CCDC7: variants seen among roughly 807,000 people sequenced by gnomAD.
CCDC7 encodes coiled-coil domain-containing protein 7.
Under a neutral mutation model 196.9 loss-of-function variants are expected in CCDC7, and 183 were observed. That is an observed-to-expected ratio of 0.93 (90% confidence interval 0.82 to 1.05). The LOEUF (loss-of-function observed/expected upper bound fraction) is 1.05, where lower values mean the gene tolerates loss of function less well. Among genes scored for constraint, CCDC7 ranks in the 50% least tolerant of loss-of-function variants. The pLI is 0.00. For missense variants in CCDC7, 1,540 were observed against 1,482.2 expected (o/e 1.04, Z -0.64); for synonymous variants, 525 against 484.6 (o/e 1.08, Z -1.10).
At chr10:32,747,371 CTAAT>C (rs2074951761) in intron 28 of CCDC7, among the ~76,000 whole-genome samples, 2 of 152,120 alleles carry the variant, frequency 1.3e-5, no homozygotes, top group South Asian at 4.1e-4. Context: ...CAAGTGGAAT[CTAAT>C]TAAATTAAGG....
chr10:32,877,416 T>C (rs1353025671), downstream of CCDC7, among the ~76,000 whole-genome samples: 2 of 152,132 alleles, frequency 1.3e-5, no homozygotes, highest in Non-Finnish European at 2.9e-5. Flanking sequence ...AGAATTGTTA[T>C]TGCAAGTTGC....
At chr10:32,756,339 G>C (rs745908665) in intron 28 of CCDC7, among the ~76,000 whole-genome samples, 6 of 152,220 alleles carry the variant, frequency 3.9e-5, no homozygotes, top group African/African-American at 1.4e-4. Flanking sequence ...AGGACAAAAA[G>C]TTAAGGGCAG....
In CCDC7 at chr10:32,700,028, T is replaced by A. The variant is rs1021111982; in HGVS notation, c.2458+5036T>A. On this transcript the variant is annotated intron_variant, in intron 24 of 41. Coordinates refer to ENST00000639629, the Ensembl canonical transcript of CCDC7. ...TTGCCTGTTCACTCTGATGGTAGTT[T>A]CTTTTGCTGTGCAGAAGCTCTTCAG... Among the ~76,000 whole-genome samples, 9 of 149,616 alleles carry A rather than the reference T, an allele frequency of 6.0e-5. 1 individual carries two copies. Among genetic ancestry groups the A allele is most frequent in the African/African-American group, 2.1e-4 (8 of 38,918 alleles).
At chr10:32,875,803 T>TTTCCTCCAA (rs2094580996) in intron 41 of CCDC7, among the ~76,000 whole-genome samples, 1 of 152,066 alleles carries the variant, frequency 6.6e-6, no homozygotes, top group Non-Finnish European at 1.5e-5. Flanking sequence ...TCCTCCATGA[T>TTTCCTCCAA]ACTAAGTTAA....
At chr10:32,514,303 T>A (rs964878245) in intron 9 of CCDC7, 1 of 152,184 alleles carries the variant, frequency 6.6e-6, no homozygotes, top group Non-Finnish European at 1.5e-5. Flanking sequence ...TGAGATGAGG[T>A]CATACTGGAG....
At chr10:32,557,835 G>A (rs982438715) in intron 13 of CCDC7, among the ~76,000 whole-genome samples, 16 of 152,264 alleles carry the variant, frequency 1.1e-4, no homozygotes, top group African/African-American at 3.8e-4. Context: ...AGGATTATAA[G>A]TGTGTACCAC....
At chr10:32,726,993 G>A (rs1389901405) in intron 26 of CCDC7, among the ~76,000 whole-genome samples, 161 bp downstream of exon 27, 1 of 152,104 alleles carries the variant, frequency 6.6e-6, no homozygotes, top group Non-Finnish European at 1.5e-5. Context: ...AAATGAAAAT[G>A]TTAACTTCAT....
intron 29 of CCDC7, among the ~76,000 whole-genome samples, chr10:32,787,752 G>T (rs1224763194): frequency 1.3e-5 from 2 of 152,234 alleles, no homozygotes; most frequent in Non-Finnish European, 2.9e-5. Flanking sequence ...CTCTGCAAAT[G>T]CAGTCTCCAG....
chr10:32,609,612 G>A (rs1449122155), intron 18 of CCDC7, among the ~76,000 whole-genome samples: 5 of 152,168 alleles, frequency 3.3e-5, no homozygotes, highest in Non-Finnish European at 7.3e-5. Flanking sequence ...ATATGGTTTG[G>A]ATCTGTGTCC....
At chr10:32,584,247 G>A (rs865916371) in exon 18 of CCDC7, 1 of 1,586,246 alleles carries the variant, frequency 6.3e-7, no homozygotes, top group Non-Finnish European at 8.6e-7. Context: ...TGTTTCAGAA[G>A]AACAATTACA....
intron 24 of CCDC7, among the ~76,000 whole-genome samples, chr10:32,701,599 C>T (rs1261738921): frequency 6.6e-6 from 1 of 152,184 alleles, no homozygotes. Flanking sequence ...ATGGTACCAG[C>T]TCCTCTTTGT....
intron 18 of CCDC7, among the ~76,000 whole-genome samples, chr10:32,632,027 T>C (rs1389122217): frequency 6.6e-6 from 1 of 152,042 alleles, no homozygotes; most frequent in Non-Finnish European, 1.5e-5. Flanking sequence ...ATTCCCTCTT[T>C]GGGATGTATT....
intron 29 of CCDC7, among the ~76,000 whole-genome samples, chr10:32,803,524 GTC>G (rs2085223398): frequency 6.6e-6 from 1 of 151,740 alleles, no homozygotes; most frequent in African/African-American, 2.4e-5. Context: ...AAAATTTAAA[GTC>G]TATTTGTCTG....
chr10:32,461,686 C>CAT (rs2035650497), intron 3 of CCDC7, among the ~76,000 whole-genome samples: 1 of 105,654 alleles, frequency 9.5e-6, no homozygotes, highest in Non-Finnish European at 2.0e-5. Context: ...TTATTCCTTA[C>CAT]ATATATGTGT....
chr10:32,815,387 G>A (rs2088206753), intron 31 of CCDC7, among the ~76,000 whole-genome samples: 2 of 152,244 alleles, frequency 1.3e-5, no homozygotes, highest in East Asian at 1.9e-4. Flanking sequence ...TCAAATAGAT[G>A]TCAACATTGT....
At chr10:32,880,939 A>G (rs1292048672), downstream of CCDC7, among the ~76,000 whole-genome samples, 1 of 152,142 alleles carries the variant, frequency 6.6e-6, no homozygotes, top group Non-Finnish European at 1.5e-5. Context: ...TTAAGGCTAC[A>G]CTATCTGTAA....
intron 11 of CCDC7, among the ~76,000 whole-genome samples, chr10:32,533,665 A>G (rs984141659): frequency 1.3e-5 from 2 of 151,950 alleles, no homozygotes. Flanking sequence ...GATAATTTTG[A>G]TGGATACAAT....
chr10:32,833,266 A>C (rs1240581419), intron 32 of CCDC7, among the ~76,000 whole-genome samples: 1 of 152,028 alleles, frequency 6.6e-6, no homozygotes, highest in African/African-American at 2.4e-5. Flanking sequence ...AATGACTGTG[A>C]TGATGGTTTA....
chr10:32,799,803 TAATG>T (rs2084398633), intron 29 of CCDC7, among the ~76,000 whole-genome samples: 1 of 152,220 alleles, frequency 6.6e-6, no homozygotes, highest in African/African-American at 2.4e-5. Flanking sequence ...GTCATCAATA[TAATG>T]GACCAGTGTG....
Sources: gnomAD v4.1 joint callset for allele counts (sites outside exome capture counted in the v4.1 genomes callset) on GRCh38, gnomAD v4.1.1 for gene constraint, MANE v1.5 for transcripts, NCBI Gene and HGNC (gene_info 2026-07-23, HGNC 2026-07-21) for gene names.